Variants in GRPEL1 observed in about 807,000 individuals in gnomAD.
The protein encoded by GRPEL1 is grpE protein homolog 1, mitochondrial.
GRPEL1 carries 13 observed loss-of-function variants against 22.1 expected under a neutral mutation model. The ratio of observed to expected loss-of-function variants is 0.59; its 90% CI spans 0.38 to 0.94. GRPEL1 has a LOEUF of 0.94. GRPEL1 is among the 40% of genes least tolerant of loss of function. GRPEL1 has a pLI of 0.00. For synonymous variants in GRPEL1, 109 were observed against 105.3 expected, an observed-to-expected ratio of 1.03 and a Z score of -0.21; for missense variants, 289 against 264.6, an observed-to-expected ratio of 1.09 and a Z score of -0.64.
chr4:7,061,339 G>A (rs917192695), intron 3 of GRPEL1, 131 bp from the exon 4 acceptor site: 15 of 676,040 alleles, frequency 2.2e-5, no homozygotes, highest in Non-Finnish European at 3.7e-5. Context: ...AATTCCAATG[G>A]CTCAATAACT....
chr4:7,065,886 C>A (rs968203808), intron 1 of GRPEL1, among the ~76,000 whole-genome samples: 2 of 144,824 alleles, frequency 1.4e-5, no homozygotes, highest in African/African-American at 5.1e-5. Flanking sequence ...CGGAGTCTTG[C>A]TCTGTCACCC....
intron 1 of GRPEL1, chr4:7,067,680 C>T: frequency 2.0e-6 from 1 of 499,912 alleles, no homozygotes; most frequent in Non-Finnish European, 3.5e-6. Flanking sequence ...CCCTGGACCA[C>T]ACGCGCACGT....
Position 7,059,996 on chromosome 4 carries a change from C to T in GRPEL1, c.*866G>A, listed in dbSNP as rs1419046051. 6.6e-6 allele frequency: 1 copy of T among 152,216 alleles called. No homozygotes were observed. The highest frequency in any genetic ancestry group is 1.5e-5 in the Non-Finnish European group (1 of 68,044). 9.4% of individuals were successfully genotyped at this position (152,216 alleles called of 1,614,324 possible). A position where few individuals can be genotyped will look rare whatever the true frequency, so the allele number is the denominator to read the frequency against. On this transcript the variant is annotated 3_prime_UTR_variant, in exon 4 of 4. Coordinates refer to ENST00000264954, the MANE Select transcript of GRPEL1 (RefSeq NM_025196.4). Reference sequence around the variant, plus strand: ...GGAGTAGAGAATGGGAAGGCTAAGCCATGCTTGCCTCAGCGGCAAGGATCT... The same window carrying T: ...GGAGTAGAGAATGGGAAGGCTAAGCTATGCTTGCCTCAGCGGCAAGGATCT...
At chr4:7,067,330 G>C (rs895828582) in intron 1 of GRPEL1, 1 of 152,374 alleles carries the variant, frequency 6.6e-6, no homozygotes, top group Admixed American at 6.5e-5. Context: ...CAAACTCTTC[G>C]CCCAGCAGCA....
intron 3 of GRPEL1, 46 bp from the exon 4 acceptor site, chr4:7,061,254 C>G: frequency 6.7e-7 from 1 of 1,490,042 alleles, no homozygotes; most frequent in Admixed American, 1.9e-5. Flanking sequence ...ACCAACCGCA[C>G]AGGGCAATTC....
At chr4:7,064,848 A>G (rs1046651077) in intron 1 of GRPEL1, among the ~76,000 whole-genome samples, 1 of 152,048 alleles carries the variant, frequency 6.6e-6, no homozygotes, top group Non-Finnish European at 1.5e-5. Context: ...AAGCTACAGT[A>G]TGGTGGCACA....
chr4:7,066,995 G>A (rs190638031), intron 1 of GRPEL1, among the ~76,000 whole-genome samples: 1 of 152,276 alleles, frequency 6.6e-6, no homozygotes, highest in East Asian at 1.9e-4. Context: ...CACGTGGGTC[G>A]TTGCTCTTGG....
intron 1 of GRPEL1, 26 bp downstream of exon 1, chr4:7,067,945 A>C (rs1220981956): frequency 3.0e-5 from 48 of 1,611,512 alleles, no homozygotes; most frequent in Non-Finnish European, 4.1e-5. Flanking sequence ...TGCCACCTCC[A>C]CCCAGGGAGA....
At position 7,064,186 on chromosome 4, in the gene GRPEL1, T is replaced by G; in HGVS notation, c.100A>C (p.Lys34Gln). The G allele has an allele frequency of 6.2e-7, 1 of 1,614,132 alleles. No homozygotes were observed. The highest frequency in any genetic ancestry group is 8.5e-7 in the Non-Finnish European group (1 of 1,180,002). The change falls in exon 2 of 4, where the codon AAG becomes CAG. Residue 34 changes from lysine (K) to glutamine (Q), a missense_variant. Physicochemically the swap from Lys to Gln is moderately conservative, Grantham distance 53. Transcript: ENST00000264954. ...TCTTCCAGGTTCTGGCCACTGTTCTTTTGTTTCGTGGCTGTGCACAACAAC... is the reference window on the plus strand; with the variant it reads ...TCTTCCAGGTTCTGGCCACTGTTCTGTTGTTTCGTGGCTGTGCACAACAAC... Reference protein sequence around the residue: ...PRLLCTATKQKNSGQNLEEDM... With the variant: ...PRLLCTATKQQNSGQNLEEDM...
Position 7,064,748 on chromosome 4 carries a change from G to A in GRPEL1, c.63-525C>T, listed in dbSNP as rs147564919. On this transcript the variant is annotated intron_variant, in intron 1 of 3. Transcript: ENST00000264954. Reference sequence around the variant, plus strand: ...TCCTGACCTTAAGTGATCTGCCCGCGTTGGCCTCCCAAAGTGCTAGGATTA... The same window carrying A: ...TCCTGACCTTAAGTGATCTGCCCGCATTGGCCTCCCAAAGTGCTAGGATTA... 6.5e-3 allele frequency among the ~76,000 whole-genome samples: 983 copies of A among 152,178 alleles called. 4 individuals are homozygous for A. Among genetic ancestry groups the A allele is most frequent in the Middle Eastern group, 0.017 (5 of 294 alleles).
rs189680001 is a variant in GRPEL1, at chr4:7,064,241, C to T, written c.63-18G>A. The T allele has an allele frequency of 1.1e-4, 176 of 1,594,404 alleles. No individual in the cohort carries two copies. The African/African-American group carries it at 1.7e-3, about 15-fold the overall frequency. ...GAGATGGCCTACAGGGAAGTCCACA[C>T]GTGAGAAACGAAGACTTAGTTTTTG... On this transcript the variant is annotated intron_variant, in intron 1 of 3. Coordinates refer to ENST00000264954, the MANE Select transcript of GRPEL1 (RefSeq NM_025196.4).
rs758742559 is a variant in GRPEL1, at chr4:7,062,368, T to G, written c.307+17A>C. The G allele has an allele frequency of 3.7e-6, 5 of 1,358,132 alleles. No individual in the cohort carries two copies. The highest frequency in any genetic ancestry group is 5.2e-6 in the Non-Finnish European group (5 of 958,586). 84.1% of individuals were successfully genotyped at this position (1,358,132 alleles called of 1,614,324 possible). ...TATCTTCTTTCCGGAATCAACACCA[T>G]GTTATGTTGAAAGTACCGTATAATT... On this transcript the variant is annotated intron_variant, in intron 3 of 3. Coordinates refer to ENST00000264954, the MANE Select transcript of GRPEL1 (RefSeq NM_025196.4).
At chr4:7,063,029 A>G (rs1471928327) in intron 2 of GRPEL1, among the ~76,000 whole-genome samples, 1 of 151,628 alleles carries the variant, frequency 6.6e-6, no homozygotes, top group African/African-American at 2.4e-5. Flanking sequence ...TCCTTGTGTA[A>G]TCATCATCTG....
chr4:7,067,260 G>GA (rs34723634), intron 1 of GRPEL1, among the ~76,000 whole-genome samples: 103,178 of 149,482 alleles, frequency 0.69, 36,442 homozygotes, highest in South Asian at 0.8. Flanking sequence ...GATTTGAGGG[G>GA]AAAAAAAAAA....
Position 7,060,796 on chromosome 4 carries a change from A to C in GRPEL1, c.*66T>G, listed in dbSNP as rs1271761831. 3 of 1,383,000 alleles carry C rather than the reference A, an allele frequency of 2.2e-6. No individual in the cohort carries two copies. The highest frequency in any genetic ancestry group is 3.0e-6 in the Non-Finnish European group (3 of 1,003,204). 85.7% of individuals were successfully genotyped at this position (1,383,000 alleles called of 1,614,324 possible). A position where few individuals can be genotyped will look rare whatever the true frequency, so the allele number is the denominator to read the frequency against. On this transcript the variant is annotated 3_prime_UTR_variant, in exon 4 of 4. Transcript: ENST00000264954. ...AAGGTCACACGTACTCATAGATGAG[A>C]AACAATGAACCAGCCTTGAGAGTTA...
chr4:7,064,659 C>T (rs770380397), intron 1 of GRPEL1, among the ~76,000 whole-genome samples: 4 of 152,012 alleles, frequency 2.6e-5, no homozygotes, highest in South Asian at 4.1e-4. Flanking sequence ...TCACCACACC[C>T]GGCTAATTTT....
At chr4:7,063,951 G>C in intron 2 of GRPEL1, 110 bp downstream of exon 2, 1 of 1,274,710 alleles carries the variant, frequency 7.8e-7, no homozygotes, top group East Asian at 2.5e-5. Context: ...CATGGACAAC[G>C]GCTTAACTCT....
chr4:7,067,377 G>A (rs1427127641), intron 1 of GRPEL1: 1 of 153,620 alleles, frequency 6.5e-6, no homozygotes, highest in East Asian at 1.9e-4. Flanking sequence ...TCAGACGCTG[G>A]AGAAGGCGGA....
At chr4:7,063,846 G>C (rs1236522800) in intron 2 of GRPEL1, among the ~76,000 whole-genome samples, 5 of 152,212 alleles carry the variant, frequency 3.3e-5, no homozygotes, top group Non-Finnish European at 7.3e-5. Context: ...ATAACAGCGT[G>C]TAAAGATTAG....
Sources: allele counts gnomAD v4.1 joint callset (sites outside exome capture counted in the v4.1 genomes callset), GRCh38; gene constraint gnomAD v4.1.1; transcripts MANE v1.5; gene names NCBI Gene and HGNC (gene_info 2026-07-23, HGNC 2026-07-21).